CLDN5: variants seen among roughly 807,000 people sequenced by gnomAD.
CLDN5 encodes the protein claudin 5.
A neutral mutation model predicts 1.3 loss-of-function variants in CLDN5; 4 were observed. The observed-to-expected ratio is 3.07, with a 90% CI of 1.51 to 7.03. The LOEUF is 7.03. CLDN5 is among the 30% of genes most tolerant of loss of function. The pLI is 0.00. For missense variants in CLDN5, 225 were observed against 303.5 expected, an observed-to-expected ratio of 0.74 and a Z score of 1.92; for synonymous variants, 156 against 152.3, an observed-to-expected ratio of 1.02 and a Z score of -0.18.
chr22:19,524,737 C>A, upstream of CLDN5: 1 of 1,284,164 alleles, frequency 7.8e-7, no homozygotes, highest in Non-Finnish European at 9.9e-7. Flanking sequence ...GCTCGACCCC[C>A]AGTCTGCACC....
Position 19,523,502 on chromosome 22 carries a change from T to C in CLDN5, c.*97A>G. On this transcript the variant is annotated 3_prime_UTR_variant, in exon 1 of 1. Transcript: ENST00000618236. The stretch of plus-strand genomic sequence containing the variant: ...GTTCCGAGGAGCCTGCGCGCCGCGC[T>C]ACCCGGCGGAAGCCGCGGTCCATGC... 1 of 1,447,322 alleles carries C rather than the reference T, an allele frequency of 6.9e-7. No individual in the cohort carries two copies. Among genetic ancestry groups the C allele is most frequent in the Non-Finnish European group, 9.1e-7 (1 of 1,103,708 alleles). The allele number at this position is 1,447,322 out of a possible 1,614,324, so 89.7% of individuals were successfully genotyped here.
chr22:19,523,912 G>C lies in CLDN5; in HGVS notation c.344C>G (p.Ala115Gly). The C allele has an allele frequency of 6.2e-7, 1 of 1,601,812 alleles. No homozygotes were observed. The highest frequency in any genetic ancestry group is 8.5e-7 in the Non-Finnish European group (1 of 1,177,176). Residue 115 changes from alanine to glycine, a missense_variant, in exon 1 of 1, where the codon GCG becomes GGG. Transcript: ENST00000618236. ...CACGCCTCCCGTGAGGGCCACACGC[G>C]CCTTGGCCGGGCCCGGGGCCACGCA... ...TTCVAPGPAK[A>G]RVALTGGVLY... is the part of the protein sequence containing the mutation.
rs372805287 is a variant in CLDN5 at position 19,523,807 on chromosome 22, G to C, written c.449C>G (p.Pro150Arg). 1 of 1,608,030 alleles carries C rather than the reference G, an allele frequency of 6.2e-7. No homozygotes were observed. The highest frequency in any genetic ancestry group is 1.3e-5 in the African/African-American group (1 of 74,968). Residue 150 changes from proline (P) to arginine (R), a missense_variant, in exon 1 of 1, where the codon CCG becomes CGG. Coordinates refer to ENST00000618236, the MANE Select transcript of CLDN5 (RefSeq NM_001363066.2). ...ANIVVREFYD[P>R]SVPVSQKYEL... ...GTACTTCTGCGACACGGGCACAGAC[G>C]GGTCGTAAAACTCGCGGACGACAAT...
At chr22:19,524,559 A>G (rs773963893), upstream of CLDN5, 8 of 1,382,676 alleles carry the variant, frequency 5.8e-6, no homozygotes. Flanking sequence ...TTAGGGAAAC[A>G]ACGGCTCTTG....
chr22:19,525,049 C>T (rs1934200887), upstream of CLDN5: 1 of 1,001,766 alleles, frequency 1.0e-6, no homozygotes. Flanking sequence ...CCCCATGCCA[C>T]TCACTGCCTC....
At chr22:19,525,105 C>T (rs1273224291), upstream of CLDN5, 15 of 1,000,580 alleles carry the variant, frequency 1.5e-5, no homozygotes, top group Non-Finnish European at 1.7e-5. Flanking sequence ...CAGGGGCTTT[C>T]CCCCTGCCTG....
chr22:19,524,414 T>G (rs1267254251), upstream of CLDN5: 2 of 1,447,402 alleles, frequency 1.4e-6, no homozygotes, highest in Admixed American at 2.9e-5. Context: ...GTCTGCCAGC[T>G]CCTGCCGGGG....
rs1243582000 is a variant in CLDN5 at position 19,523,909 on chromosome 22, C to A, written c.347G>T (p.Arg116Leu). The part of the protein sequence containing the change: ...TCVAPGPAKA[R>L]VALTGGVLYL... ...GAGCACGCCTCCCGTGAGGGCCACA[C>A]GCGCCTTGGCCGGGCCCGGGGCCAC... The change falls in exon 1 of 1, where the codon CGT becomes CTT. Residue 116 changes from arginine to leucine, a missense_variant. Physicochemically the swap from Arg to Leu is moderately radical, Grantham distance 102. Transcript: ENST00000618236. 2 of 1,602,814 alleles carry A rather than the reference C, an allele frequency of 1.2e-6. No homozygotes were observed. The highest frequency in any genetic ancestry group is 2.2e-5 in the South Asian group (2 of 90,402).
rs753793620 is a variant in CLDN5 at position 19,524,410 on chromosome 22, C to T, written c.-155G>A. Reference sequence around the variant, plus strand: ...GGTCTGTCGCACCTCCTGGGTCTGCCAGCTCCTGCCGGGGGGTACCCTCTT... The same window carrying T: ...GGTCTGTCGCACCTCCTGGGTCTGCTAGCTCCTGCCGGGGGGTACCCTCTT... On this transcript the variant is annotated 5_prime_UTR_variant, in exon 1 of 1. Coordinates refer to ENST00000618236, the MANE Select transcript of CLDN5 (RefSeq NM_001363066.2). 6.9e-7 allele frequency: 1 copy of T among 1,448,474 alleles called. No homozygotes were observed. The highest frequency in any genetic ancestry group is 9.1e-7 in the Non-Finnish European group (1 of 1,100,226). The allele number at this position is 1,448,474 out of a possible 1,614,324, so 89.7% of individuals were successfully genotyped here. A position where few individuals can be genotyped will look rare whatever the true frequency, so the allele number is the denominator to read the frequency against.
rs888655112 is a variant in CLDN5, at chr22:19,524,213, G to C, written c.43C>G (p.Leu15Val). The change falls in exon 1 of 1, where the codon CTG (leucine) becomes GTG (valine). Residue 15 changes from leucine (L) to valine (V), a missense_variant. Coordinates refer to ENST00000618236, the MANE Select transcript of CLDN5 (RefSeq NM_001363066.2). ...ALEILGLVLCLVGWGGLILAC... is the reference protein window; with the variant it reads ...ALEILGLVLCVVGWGGLILAC... ...AGGATCAGACCCCCCCAGCCCACCA[G>C]GCACAGCACCAGGCCCAGGATCTCC... The C allele has an allele frequency of 1.9e-6, 3 of 1,601,676 alleles. No homozygotes were observed. The highest frequency in any genetic ancestry group is 3.4e-5 in the Admixed American group (2 of 58,560).
chr22:19,524,188 A>G lies in CLDN5; in HGVS notation c.68T>C (p.Leu23Pro). Residue 23 changes from leucine to proline, a missense_variant, in exon 1 of 1, where the codon CTG becomes CCG. Physicochemically the swap from Leu to Pro is moderately conservative, Grantham distance 98. This residue lies in a region of CLDN5 where 41 missense variants were observed against 40.5 expected (regional missense o/e 1.01). Transcript: ENST00000618236. ...LCLVGWGGLI[L>P]ACGLPMWQVT... is the part of the protein sequence containing the mutation. ...CTGCCACATGGGCAGCCCGCACGCC[A>G]GGATCAGACCCCCCCAGCCCACCAG... 6.2e-7 allele frequency: 1 copy of G among 1,609,330 alleles called. No individual in the cohort carries two copies. Among genetic ancestry groups the G allele is most frequent in the Non-Finnish European group, 8.5e-7 (1 of 1,178,250 alleles).
At position 19,523,507 on chromosome 22, in the gene CLDN5, G is replaced by A; in HGVS notation, c.*92C>T. The A allele has an allele frequency of 3.4e-6, 5 of 1,454,014 alleles. No individual in the cohort carries two copies. The highest frequency in any genetic ancestry group is 4.5e-6 in the Non-Finnish European group (5 of 1,109,058). The allele number at this position is 1,454,014 out of a possible 1,614,324, so 90.1% of individuals were successfully genotyped here. ...GAGGAGCCTGCGCGCCGCGCTACCC[G>A]GCGGAAGCCGCGGTCCATGCGGGGC... On this transcript the variant is annotated 3_prime_UTR_variant, in exon 1 of 1. Transcript: ENST00000618236.
chr22:19,524,820 C>T, upstream of CLDN5: 1 of 1,193,236 alleles, frequency 8.4e-7, no homozygotes, highest in Non-Finnish European at 1.0e-6. Flanking sequence ...CTTCCCTGAC[C>T]AAGGTTTGCA....
Position 19,523,935 on chromosome 22 carries a change from G to T in CLDN5, c.321C>A (p.Cys107Ter). Residue 107 changes from cysteine (C) to a stop codon, truncating the protein, a stop_gained, in exon 1 of 1, where the codon TGC becomes TGA. Transcript: ENST00000618236. LOFTEE classifies it low-confidence loss of function (END_TRUNC). ...GCGCCTTGGCCGGGCCCGGGGCCAC[G>T]CAGGTGGTGCACTGCGCGCCCGCCA... Reference protein sequence around the residue: ...VTLAGAQCTTCVAPGPAKARV... With the variant: ...VTLAGAQCTT 1 of 1,593,626 alleles carries T rather than the reference G, an allele frequency of 6.3e-7. No homozygotes were observed.
At chr22:19,524,910 A>T, upstream of CLDN5, 1 of 1,052,908 alleles carries the variant, frequency 9.5e-7, no homozygotes, top group Non-Finnish European at 1.2e-6. Flanking sequence ...TCCAAGCCCC[A>T]CCCAGGCCCT....
rs780765409 is a variant in CLDN5 at position 19,523,582 on chromosome 22, G to C, written c.*17C>G. 1.0e-4 allele frequency: 156 copies of C among 1,545,522 alleles called. No homozygotes were observed. Among genetic ancestry groups the C allele is most frequent in the Non-Finnish European group, 1.3e-4 (154 of 1,150,980 alleles). On this transcript the variant is annotated 3_prime_UTR_variant, in exon 1 of 1. Transcript: ENST00000618236. Reference sequence around the variant, plus strand: ...CAGGCGTGGCTGGCAGGAGGGGCCCGGCCGTGCCCAGCGCCCTCAGACGTA... The same window carrying C: ...CAGGCGTGGCTGGCAGGAGGGGCCCCGCCGTGCCCAGCGCCCTCAGACGTA...
upstream of CLDN5, chr22:19,524,616 C>G: frequency 7.4e-7 from 1 of 1,353,234 alleles, no homozygotes; most frequent in Non-Finnish European, 9.5e-7. Context: ...GCAGCCGCCC[C>G]CAGCCCCACC....
upstream of CLDN5, chr22:19,524,889 C>T: frequency 9.3e-7 from 1 of 1,076,388 alleles, no homozygotes; most frequent in Non-Finnish European, 1.1e-6. Flanking sequence ...TCCAGAAAGC[C>T]CGCCCCGGGG....
In CLDN5 at chr22:19,524,032, G is replaced by A; in HGVS notation, c.224C>T (p.Thr75Ile). 1.3e-6 allele frequency: 2 copies of A among 1,599,732 alleles called. No individual in the cohort carries two copies. Among genetic ancestry groups the A allele is most frequent in the South Asian group, 1.1e-5 (1 of 90,698 alleles). Residue 75 changes from threonine (T) to isoleucine (I), a missense_variant, in exon 1 of 1, where the codon ACC becomes ATC. Transcript: ENST00000618236. ...GAGCGCCCGCGCCGCCTGCACCTCG[G>A]TGCTCAGAGCCAGCACCGAGTCGTA... ...KVYDSVLALS[T>I]EVQAARALTV...
Sources: allele counts gnomAD v4.1 joint callset, GRCh38; gene constraint gnomAD v4.1.1; regional missense constraint gnomAD v4.1.1; transcripts MANE v1.5; gene names NCBI Gene and HGNC (gene_info 2026-07-23, HGNC 2026-07-21).